MTUS1: variants seen among roughly 807,000 people sequenced by gnomAD.
MTUS1 encodes the protein microtubule-associated tumor suppressor 1.
MTUS1 carries 109 observed loss-of-function variants against 120.8 expected under a neutral mutation model. That is an observed-to-expected ratio of 0.90 (90% confidence interval 0.77 to 1.06). The LOEUF (loss-of-function observed/expected upper bound fraction) is 1.06. Ranked by LOEUF, MTUS1 falls within the 50% of genes least tolerant of loss-of-function variation. MTUS1 has a pLI of 0.00. For missense variants in MTUS1, 2,210 were observed against 1,486.3 expected (o/e 1.49, Z -8.01); for synonymous variants, 737 against 550.5 (o/e 1.34, Z -4.74).
intron 6 of MTUS1, among the ~76,000 whole-genome samples, chr8:17,693,024 A>T (rs1055591702): frequency 6.6e-6 from 1 of 152,140 alleles, no homozygotes; most frequent in Non-Finnish European, 1.5e-5. Context: ...AATTGCCTTC[A>T]CTGGAGTCAA....
chr8:17,730,200 G>A (rs961984657), intron 3 of MTUS1, among the ~76,000 whole-genome samples: 6 of 152,270 alleles, frequency 3.9e-5, no homozygotes, highest in Non-Finnish European at 8.8e-5. Context: ...AAAGCAGGCC[G>A]GGGGTGGTGG....
chr8:17,749,142 C>G (rs1008306753), intron 2 of MTUS1, among the ~76,000 whole-genome samples: 1 of 152,146 alleles, frequency 6.6e-6, no homozygotes, highest in Non-Finnish European at 1.5e-5. Context: ...GGTTGGAATT[C>G]AGGCACAGCT....
chr8:17,742,294 T>G (rs1395672810), intron 3 of MTUS1, among the ~76,000 whole-genome samples: 126 of 139,518 alleles, frequency 9.0e-4, no homozygotes, highest in East Asian at 3.1e-3. Context: ...TGTTGTTGTT[T>G]TTTTTTTTTT....
At chr8:17,744,687 T>A (rs2047602379) in intron 2 of MTUS1, among the ~76,000 whole-genome samples, 1 of 141,802 alleles carries the variant, frequency 7.1e-6, no homozygotes, top group Admixed American at 7.4e-5. Context: ...TCACCATGTT[T>A]TCTTTTTTTT....
intron 1 of MTUS1, among the ~76,000 whole-genome samples, chr8:17,783,079 A>AATAC (rs2051011467): frequency 6.6e-6 from 1 of 151,878 alleles, no homozygotes; most frequent in African/African-American, 2.4e-5. Context: ...ATTCTGTCTC[A>AATAC]AAACAAACAA....
At chr8:17,700,583 C>G (rs426216) in intron 6 of MTUS1, among the ~76,000 whole-genome samples, 94,375 of 151,400 alleles carry the variant, frequency 0.62, 29,605 homozygotes, top group Middle Eastern at 0.72. Context: ...TAAACAAAAA[C>G]GATTAAGTAT....
intron 2 of MTUS1, among the ~76,000 whole-genome samples, chr8:17,747,604 T>G (rs2131296799): frequency 6.6e-6 from 1 of 152,290 alleles, no homozygotes; most frequent in South Asian, 2.1e-4. Context: ...AATTAGTTCT[T>G]TCTGAATAAT....
chr8:17,734,359 T>C (rs1019193204), intron 3 of MTUS1: 1 of 152,238 alleles, frequency 6.6e-6, no homozygotes, highest in Non-Finnish European at 1.5e-5. Context: ...CTCATTTGCT[T>C]AAATTCAAGG....
intron 1 of MTUS1, among the ~76,000 whole-genome samples, chr8:17,779,035 T>A (rs577871428): frequency 1.3e-5 from 2 of 152,118 alleles, no homozygotes; most frequent in South Asian, 2.1e-4. Context: ...ACAGGTCACA[T>A]AGGAAAGCAT....
At chr8:17,795,267 C>T (rs1353917927) in intron 1 of MTUS1, among the ~76,000 whole-genome samples, 2 of 152,150 alleles carry the variant, frequency 1.3e-5, no homozygotes, top group East Asian at 1.9e-4. Flanking sequence ...ATGAGTCTTT[C>T]CCAAGATTCC....
At chr8:17,753,567 G>A (rs185704526) in intron 2 of MTUS1, 150 bp downstream of exon 2, 21 of 585,418 alleles carry the variant, frequency 3.6e-5, no homozygotes, top group Non-Finnish European at 5.8e-5. Flanking sequence ...TAACACCCCA[G>A]TACTGACAAG....
At chr8:17,786,242 G>C (rs10099724) in intron 1 of MTUS1, among the ~76,000 whole-genome samples, 1 of 151,872 alleles carries the variant, frequency 6.6e-6, no homozygotes, top group Non-Finnish European at 1.5e-5. Flanking sequence ...ACACGCACGA[G>C]CCTAGGACAG....
chr8:17,698,654 C>G (rs995918724), intron 6 of MTUS1, among the ~76,000 whole-genome samples: 2 of 152,052 alleles, frequency 1.3e-5, no homozygotes, highest in African/African-American at 4.8e-5. Flanking sequence ...TTTAGAAATT[C>G]TATAGAGTAG....
intron 4 of MTUS1, chr8:17,722,765 T>C (rs1297422111): frequency 6.3e-6 from 1 of 158,968 alleles, no homozygotes; most frequent in Non-Finnish European, 1.3e-5. Context: ...CAGCAGAAGT[T>C]ACCTGAGAGA....
intron 1 of MTUS1, among the ~76,000 whole-genome samples, chr8:17,773,000 C>T (rs944331879): frequency 6.6e-6 from 1 of 152,126 alleles, no homozygotes; most frequent in Non-Finnish European, 1.5e-5. Context: ...CTAAATTATC[C>T]TTCCTTTCCA....
At chr8:17,674,917 C>A (rs1812771864) in intron 8 of MTUS1, 3 of 1,240,918 alleles carry the variant, frequency 2.4e-6, no homozygotes, top group Non-Finnish European at 2.0e-6. Context: ...ACAAAAATAA[C>A]TCTGTCCCTC....
At position 17,754,132 on chromosome 8, in the gene MTUS1, G is replaced by C. The variant is rs371578880; in HGVS notation, c.1676C>G (p.Ser559Cys). The C allele has an allele frequency of 2.2e-5, 35 of 1,613,678 alleles. No individual in the cohort carries two copies. The South Asian group carries it at 3.3e-4, about 15-fold the overall frequency. ...QQTVLSRTPR[S>C]DLNADKKAEI... ...TGCTTTTTTGTCTGCATTCAAGTCA[G>C]ATCTCGGTGTTCTGCTCAAGACTGT... Residue 559 changes from serine (S) to cysteine (C), a missense_variant, in exon 2 of 15, where the codon TCT becomes TGT. Ser to Cys is a moderately radical substitution (Grantham distance 112). Coordinates refer to ENST00000693296, the MANE Select transcript of MTUS1 (RefSeq NM_001363059.2).
chr8:17,753,045 G>A (rs987353626), intron 2 of MTUS1, among the ~76,000 whole-genome samples: 6 of 152,084 alleles, frequency 3.9e-5, no homozygotes, highest in Admixed American at 1.3e-4. Flanking sequence ...TTAGACAGGC[G>A]CTATGGAAAA....
In MTUS1 at chr8:17,649,699, G is replaced by C. The variant is rs528520365; in HGVS notation, c.3501+147C>G. ...AATGAATAAATATGGAACAAACTTG[G>C]AAAGAAAATGTGAACTTTATCTTTT... On this transcript the variant is annotated intron_variant, in intron 13 of 14. Transcript: ENST00000693296. The C allele has an allele frequency of 1.3e-5, 8 of 624,854 alleles. No homozygotes were observed. The African/African-American group carries it at 1.5e-4, about 11-fold the overall frequency. The allele number at this position is 624,854 out of a possible 1,614,324, so 38.7% of individuals were successfully genotyped here. A position where few individuals can be genotyped will look rare whatever the true frequency, so the allele number is the denominator to read the frequency against.
Sources: allele counts gnomAD v4.1 joint callset (sites outside exome capture counted in the v4.1 genomes callset), GRCh38; gene constraint gnomAD v4.1.1; transcripts MANE v1.5; gene names NCBI Gene and HGNC (gene_info 2026-07-23, HGNC 2026-07-21).